The following GARNL3 variants were observed in gnomAD, a reference collection of about 807,000 sequenced individuals.
GARNL3 encodes GTPase activating Rap/RanGAP domain like 3, also known as GTPase-activating Rap/Ran-GAP domain-like protein 3.
A neutral mutation model predicts 125.0 loss-of-function variants in GARNL3; 63 were observed. The ratio of observed to expected loss-of-function variants is 0.50; its 90% confidence interval spans 0.41 to 0.62. The LOEUF (loss-of-function observed/expected upper bound fraction) is 0.62. Among genes scored for constraint, GARNL3 ranks in the 20% least tolerant of loss-of-function variants. The pLI is 0.00. For missense variants in GARNL3, 994 were observed against 1,244.0 expected (o/e 0.80, Z 3.02); for synonymous variants, 439 against 457.5 (o/e 0.96, Z 0.52).
intron 1 of GARNL3, among the ~76,000 whole-genome samples, chr9:127,277,416 G>A (rs780614714): frequency 1.3e-5 from 2 of 149,162 alleles, no homozygotes; most frequent in Admixed American, 6.8e-5. Flanking sequence ...TAGTGTGTCC[G>A]TGTCCTCAGA....
chr9:127,227,974 G>T (rs952019955), intron 1 of GARNL3, among the ~76,000 whole-genome samples: 1 of 152,094 alleles, frequency 6.6e-6, no homozygotes, highest in Non-Finnish European at 1.5e-5. Flanking sequence ...GAAAAATCAA[G>T]AAAAATATAA....
chr9:127,273,996 G>A (rs952775658), intron 1 of GARNL3, among the ~76,000 whole-genome samples: 1 of 152,090 alleles, frequency 6.6e-6, no homozygotes, highest in Non-Finnish European at 1.5e-5. Flanking sequence ...TCCTTGTTCT[G>A]AGTGTGCTCA....
At chr9:127,243,298 T>C (rs2063235896) in intron 2 of GARNL3, 2 of 1,318,114 alleles carry the variant, frequency 1.5e-6, no homozygotes, top group Admixed American at 3.8e-5. Flanking sequence ...ATGTTCACTA[T>C]AGCTTGAAAT....
chr9:127,329,433 C>T (rs1829084994), intron 7 of GARNL3, among the ~76,000 whole-genome samples: 1 of 152,100 alleles, frequency 6.6e-6, no homozygotes, highest in Admixed American at 6.6e-5. Context: ...CTTAAAAGAC[C>T]CCCATCATGC....
At chr9:127,287,899 C>G (rs2064298692) in intron 1 of GARNL3, among the ~76,000 whole-genome samples, 1 of 152,240 alleles carries the variant, frequency 6.6e-6, no homozygotes, top group African/African-American at 2.4e-5. Context: ...TGAACCTTCT[C>G]TGCTTTCCAG....
chr9:127,226,672 C>T lies in GARNL3; in HGVS notation c.-29+2334C>T, dbSNP rs1209467104. ...TCCTCCTTCGGAAGTCTTCCTTGAA[C>T]CCCAGATTGAGCTCTTTGCTGTATT... On this transcript the variant is annotated intron_variant, in intron 1 of 10. Coordinates refer to the GARNL3 transcript ENST00000439286. Among the ~76,000 whole-genome samples, 3 of 152,190 alleles carry T rather than the reference C, an allele frequency of 2.0e-5. No homozygotes were observed. The East Asian group carries it at 5.8e-4, about 29-fold the overall frequency.
chr9:127,330,781 C>T (rs947735705), intron 7 of GARNL3, among the ~76,000 whole-genome samples: 2 of 152,128 alleles, frequency 1.3e-5, no homozygotes, highest in African/African-American at 4.8e-5. Flanking sequence ...CCAGTCATCC[C>T]CGGAACTGTG....
chr9:127,288,942 G>A (rs903357666), intron 1 of GARNL3, among the ~76,000 whole-genome samples: 2 of 152,170 alleles, frequency 1.3e-5, no homozygotes, highest in Non-Finnish European at 1.5e-5. Flanking sequence ...ATAGACCTAT[G>A]TCAGACATTA....
chr9:127,269,786 G>GTTTT (rs57287183), intron 1 of GARNL3, among the ~76,000 whole-genome samples: 3 of 129,828 alleles, frequency 2.3e-5, no homozygotes, highest in Non-Finnish European at 4.8e-5. Context: ...TGTTTTTTGT[G>GTTTT]TTTTTTTTTT....
chr9:127,326,531 C>T (rs1278143019), intron 7 of GARNL3, among the ~76,000 whole-genome samples: 2 of 152,136 alleles, frequency 1.3e-5, no homozygotes, highest in African/African-American at 2.4e-5. Context: ...TTACACATTG[C>T]ATGCCTGTAT....
chr9:127,320,906 A>T, intron 6 of GARNL3, 128 bp downstream of exon 6: 1 of 642,158 alleles, frequency 1.6e-6, no homozygotes, highest in South Asian at 2.0e-5. Context: ...TAAAAAAATC[A>T]TCATGGGAGA....
intron 1 of GARNL3, among the ~76,000 whole-genome samples, chr9:127,272,266 A>G (rs1288904897): frequency 6.7e-6 from 1 of 149,584 alleles, no homozygotes; most frequent in Non-Finnish European, 1.5e-5. Context: ...TTTGTGCTCT[A>G]CTCAGGGTTA....
chr9:127,243,774 C>T (rs530181035), intron 2 of GARNL3, among the ~76,000 whole-genome samples: 1 of 152,176 alleles, frequency 6.6e-6, no homozygotes, highest in African/African-American at 2.4e-5. Flanking sequence ...TCAGTAGACT[C>T]TAAGGCCTAT....
rs376731205 is a variant in GARNL3 at position 127,323,010 on chromosome 9, G to A, written c.568-2059G>A. Among the ~76,000 whole-genome samples the A allele has an allele frequency of 7.6e-4, 115 of 152,224 alleles. 1 individual carries two copies. The highest frequency in any genetic ancestry group is 2.7e-3 in the African/African-American group (113 of 41,538). On this transcript the variant is annotated intron_variant, in intron 6 of 27. Transcript: ENST00000373387. ...ATGACCAGGTATTTTATAAAAACCG[G>A]TAGAGCTAAATTTGATTTTTAAAAC...
chr9:127,345,603 G>A, intron 16 of GARNL3, 126 bp downstream of exon 16: 3 of 590,050 alleles, frequency 5.1e-6, no homozygotes, highest in Non-Finnish European at 8.7e-6. Context: ...GAGTCCTCAG[G>A]GAAAGCCCTA....
At chr9:127,309,963 T>C (rs2065050840) in intron 2 of GARNL3, among the ~76,000 whole-genome samples, 1 of 152,182 alleles carries the variant, frequency 6.6e-6, no homozygotes. Flanking sequence ...ACATCAGTCA[T>C]GCGGGAAAAC....
intron 1 of GARNL3, among the ~76,000 whole-genome samples, chr9:127,225,876 C>T (rs1329957642): frequency 1.3e-5 from 2 of 151,308 alleles, no homozygotes; most frequent in Non-Finnish European, 3.0e-5. Context: ...GGCCTCTGCC[C>T]GGGCCGCCGG....
chr9:127,383,846 C>T (rs1256660911), intron 23 of GARNL3, among the ~76,000 whole-genome samples: 1 of 152,176 alleles, frequency 6.6e-6, no homozygotes. Flanking sequence ...CATTTCTGGG[C>T]CTCACTTTCC....
chr9:127,343,801 G>A (rs956246391), intron 14 of GARNL3, among the ~76,000 whole-genome samples: 14 of 152,240 alleles, frequency 9.2e-5, no homozygotes, highest in East Asian at 5.8e-4. Flanking sequence ...ACTGAGATTC[G>A]GAAATTAACT....
Sources: allele counts gnomAD v4.1 joint callset (sites outside exome capture counted in the v4.1 genomes callset), GRCh38; gene constraint gnomAD v4.1.1; transcripts MANE v1.5; gene names NCBI Gene and HGNC (gene_info 2026-07-23, HGNC 2026-07-21).